AGMO: variants seen among roughly 807,000 people sequenced by gnomAD.
The protein encoded by AGMO is glyceryl-ether monooxygenase.
A neutral mutation model predicts 60.2 loss-of-function variants in AGMO; 75 were observed. That is an observed-to-expected ratio of 1.25 (90% CI 1.03 to 1.51). The LOEUF (loss-of-function observed/expected upper bound fraction) is 1.51. AGMO is among the 40% of genes most tolerant of loss of function. The pLI is 0.00. For synonymous variants in AGMO, 261 were observed against 177.1 expected (o/e 1.47, Z -3.76); for missense variants, 763 against 525.5 (o/e 1.45, Z -4.42).
chr7:15,359,789 A>T (rs2128558677), intron 12 of AGMO, among the ~76,000 whole-genome samples: 1 of 152,352 alleles, frequency 6.6e-6, no homozygotes, highest in East Asian at 1.9e-4. Flanking sequence ...TGCAATCATG[A>T]CTAATTTGTG....
At chr7:15,347,484 A>G (rs1222217417) in intron 12 of AGMO, among the ~76,000 whole-genome samples, 2 of 152,012 alleles carry the variant, frequency 1.3e-5, no homozygotes, top group African/African-American at 4.8e-5. Flanking sequence ...AGCCACAGGG[A>G]TTTATGATCT....
chr7:15,329,296 C>T (rs1412519573), intron 12 of AGMO, among the ~76,000 whole-genome samples: 1 of 152,060 alleles, frequency 6.6e-6, no homozygotes, highest in Admixed American at 6.6e-5. Flanking sequence ...CTTTTTCTTT[C>T]AGTGAATTAA....
At chr7:15,287,114 C>G (rs558994561) in intron 12 of AGMO, among the ~76,000 whole-genome samples, 9 of 152,048 alleles carry the variant, frequency 5.9e-5, no homozygotes, top group Non-Finnish European at 1.3e-4. Flanking sequence ...AAACTACATA[C>G]TGGGTACGAT....
At chr7:15,129,454 T>C in the AGMO span, among the ~76,000 whole-genome samples, 1 of 152,156 alleles carries the variant, frequency 6.6e-6, no homozygotes, top group South Asian at 2.1e-4. Context: ...AAGAATCTTT[T>C]TTGTGTGAAA....
chr7:15,306,361 A>G (rs1281919107), intron 12 of AGMO: 1 of 276,158 alleles, frequency 3.6e-6, no homozygotes, highest in Non-Finnish European at 7.5e-6. Context: ...CATGGATCAA[A>G]AAGACCCCTT....
At chr7:15,516,633 C>A (rs115297948) in intron 3 of AGMO, among the ~76,000 whole-genome samples, 2,233 of 152,240 alleles carry the variant, frequency 0.015, 55 homozygotes, top group African/African-American at 0.052. Context: ...TAAATTGTAA[C>A]CTTATACATC....
chr7:15,468,163 A>G (rs1782342297), intron 3 of AGMO, among the ~76,000 whole-genome samples: 1 of 152,202 alleles, frequency 6.6e-6, no homozygotes, highest in East Asian at 1.9e-4. Context: ...TGCTGGCTTT[A>G]GTTGCTAATC....
intron 10 of AGMO, among the ~76,000 whole-genome samples, chr7:15,374,560 A>C (rs1783368894): frequency 6.6e-6 from 1 of 152,164 alleles, no homozygotes; most frequent in South Asian, 2.1e-4. Context: ...TGTACCTGAT[A>C]AGATAGAGAA....
At chr7:15,270,271 C>A (rs1783555421) in intron 12 of AGMO, among the ~76,000 whole-genome samples, 1 of 152,004 alleles carries the variant, frequency 6.6e-6, no homozygotes, top group African/African-American at 2.4e-5. Context: ...ACGCCAACAT[C>A]TGTTGTTTTT....
chr7:15,233,826 T>TG (rs200930562), intron 12 of AGMO, among the ~76,000 whole-genome samples: 1,633 of 152,096 alleles, frequency 0.011, 21 homozygotes, highest in African/African-American at 0.037. Flanking sequence ...CTGAGGCGCG[T>TG]GGATCACGAG....
At chr7:15,360,952 A>T (rs749415717) in intron 12 of AGMO, among the ~76,000 whole-genome samples, 1 of 152,212 alleles carries the variant, frequency 6.6e-6, no homozygotes, top group Non-Finnish European at 1.5e-5. Flanking sequence ...TAAATAAAGC[A>T]GAAATAAGCA....
At chr7:15,293,532 T>C (rs1242254572) in intron 12 of AGMO, among the ~76,000 whole-genome samples, 2 of 152,072 alleles carry the variant, frequency 1.3e-5, no homozygotes, top group African/African-American at 2.4e-5. Context: ...TTATGTAAGT[T>C]ATAAAAAAAT....
At chr7:15,507,393 C>T (rs752797495) in intron 3 of AGMO, among the ~76,000 whole-genome samples, 22 of 151,990 alleles carry the variant, frequency 1.4e-4, no homozygotes, top group Non-Finnish European at 2.5e-4. Context: ...CAAAGTCAAA[C>T]TTGAATCTTA....
intron 12 of AGMO, among the ~76,000 whole-genome samples, chr7:15,274,749 T>G (rs1285036694): frequency 6.6e-6 from 1 of 151,896 alleles, no homozygotes; most frequent in Non-Finnish European, 1.5e-5. Context: ...TTACTAGTTA[T>G]TGGCATATTG....
intron 12 of AGMO, among the ~76,000 whole-genome samples, chr7:15,331,023 T>C (rs556533122): frequency 1.1e-4 from 16 of 152,220 alleles, no homozygotes; most frequent in African/African-American, 3.9e-4. Context: ...CTTGGCCTCT[T>C]GGATTGTTCT....
At chr7:15,436,631 T>C (rs942493358) in intron 3 of AGMO, among the ~76,000 whole-genome samples, 6 of 152,238 alleles carry the variant, frequency 3.9e-5, no homozygotes, top group East Asian at 1.9e-4. Flanking sequence ...TTTAATTTTA[T>C]AAAGAAAATA....
chr7:15,154,290 AAAT>A, the AGMO span, among the ~76,000 whole-genome samples: 2 of 152,304 alleles, frequency 1.3e-5, no homozygotes, highest in African/African-American at 4.8e-5. Context: ...TAGCTGCAAA[AAAT>A]AATAATAAAA....
chr7:15,523,139 T>A lies in AGMO; in HGVS notation c.409+21633A>T, dbSNP rs186549006. 2.2e-4 allele frequency among the ~76,000 whole-genome samples: 34 copies of A among 152,254 alleles called. 1 individual carries two copies. In the East Asian group the frequency reaches 6.0e-3, roughly 27 times the overall value. ...AGAAAAATGCAAATCAAAACCACAA[T>A]GAGATACCATCTCACACCAGTTAGA... On this transcript the variant is annotated intron_variant, in intron 3 of 12. Coordinates refer to ENST00000342526, the MANE Select transcript of AGMO (RefSeq NM_001004320.2).
chr7:15,123,952 T>C, the AGMO span, among the ~76,000 whole-genome samples: 1 of 152,102 alleles, frequency 6.6e-6, no homozygotes. Flanking sequence ...TTCTATTCAA[T>C]CTGTATCAGT....
Sources: allele counts gnomAD v4.1 joint callset (sites outside exome capture counted in the v4.1 genomes callset), GRCh38; gene constraint gnomAD v4.1.1; transcripts MANE v1.5; gene names NCBI Gene and HGNC (gene_info 2026-07-23, HGNC 2026-07-21).